HSD17B2: variants seen among roughly 807,000 people sequenced by gnomAD.
The protein encoded by HSD17B2 is 17-beta-hydroxysteroid dehydrogenase type 2.
HSD17B2 carries 32 observed loss-of-function variants against 26.9 expected under a neutral mutation model. That is an observed-to-expected ratio of 1.19 (90% CI 0.90 to 1.60). HSD17B2 has a LOEUF of 1.60. HSD17B2 is among the 40% of genes most tolerant of loss of function. HSD17B2 has a pLI of 0.00. For synonymous variants in HSD17B2, 246 were observed against 186.7 expected (o/e 1.32, Z -2.59); for missense variants, 613 against 468.6 (o/e 1.31, Z -2.85).
chr16:82,038,886 A>T (rs992524863), intron 1 of HSD17B2, among the ~76,000 whole-genome samples: 1 of 151,956 alleles, frequency 6.6e-6, no homozygotes, highest in South Asian at 2.1e-4. Context: ...AGCTGTGCCA[A>T]TTGGAGACTA....
intron 3 of HSD17B2, 129 bp from the exon 4 acceptor site, chr16:82,090,773 C>A: frequency 1.2e-6 from 1 of 855,990 alleles, no homozygotes; most frequent in Non-Finnish European, 1.8e-6. Flanking sequence ...CTCAGGGGGC[C>A]TTGCCTGCCT....
At chr16:82,098,005 A>C in intron 4 of HSD17B2, 70 bp from the exon 5 acceptor site, 1 of 1,498,906 alleles carries the variant, frequency 6.7e-7, no homozygotes, top group East Asian at 2.3e-5. Flanking sequence ...TTCCCAACAG[A>C]GACAAGCGCC....
Position 82,097,360 on chromosome 16 carries a change from C to CACAT in HSD17B2, c.803-712_803-711insTACA, listed in dbSNP as rs1436348506. On this transcript the variant is annotated intron_variant, in intron 4 of 4. Transcript: ENST00000199936. The stretch of plus-strand genomic sequence containing the variant: ...CACATTATATATGTGTACACACACA[C>CACAT]ACACACACACACACACAGACACATA... 54 of 92,114 alleles carry CACAT rather than the reference C, an allele frequency of 5.9e-4. 1 individual carries two copies. The East Asian group carries it at 9.9e-3, about 17-fold the overall frequency. 5.7% of individuals were successfully genotyped at this position (92,114 alleles called of 1,614,324 possible). A position where few individuals can be genotyped will look rare whatever the true frequency, so the allele number is the denominator to read the frequency against.
rs201293323 is a variant in HSD17B2 at position 82,071,059 on chromosome 16, T to C, written c.596T>C (p.Val199Ala). Residue 199 changes from valine (V) to alanine (A), a missense_variant, in exon 3 of 5, where the codon GTC (valine) becomes GCC (alanine). Physicochemically the swap from Val to Ala is moderately conservative, Grantham distance 64. Coordinates refer to ENST00000199936, the MANE Select transcript of HSD17B2 (RefSeq NM_002153.3). ...GTGAACTTCTTTGGAACTGTGGAGGTCACAAAGACGTTTTTGCCTCTTCTT... is the reference window on the plus strand; with the variant it reads ...GTGAACTTCTTTGGAACTGTGGAGGCCACAAAGACGTTTTTGCCTCTTCTT... ...MAVNFFGTVE[V>A]TKTFLPLLRK... is the part of the protein sequence containing the mutation. 5.0e-6 allele frequency: 8 copies of C among 1,614,004 alleles called. No homozygotes were observed. The African/African-American group carries it at 1.1e-4, about 22-fold the overall frequency.
At chr16:82,041,833 AT>A (rs1913773610) in intron 1 of HSD17B2, among the ~76,000 whole-genome samples, 1 of 152,198 alleles carries the variant, frequency 6.6e-6, no homozygotes, top group Admixed American at 6.5e-5. Flanking sequence ...GGTATCAATT[AT>A]CTCCTCTGAG....
rs780765427 is a variant in HSD17B2, at chr16:82,068,271, G to T, written c.367G>T (p.Glu123Ter). ...VLNENGPGAEELRRTCSPRLS... is the reference protein window; with the variant it reads ...VLNENGPGAE ...GAATGAAAATGGCCCAGGAGCTGAGGAATTGCGAAGAACCTGCTCTCCGCG... is the reference window on the plus strand; with the variant it reads ...GAATGAAAATGGCCCAGGAGCTGAGTAATTGCGAAGAACCTGCTCTCCGCG... Residue 123 changes from glutamate (E) to a stop codon, truncating the protein, a stop_gained, in exon 2 of 5, where the codon GAA (glutamate) becomes TAA (stop). Coordinates refer to ENST00000199936, the MANE Select transcript of HSD17B2 (RefSeq NM_002153.3). LOFTEE classifies it high-confidence loss of function. The T allele has an allele frequency of 6.2e-6, 10 of 1,613,996 alleles. No individual in the cohort carries two copies. Among genetic ancestry groups the T allele is most frequent in the Non-Finnish European group, 8.5e-6 (10 of 1,180,008 alleles).
intron 1 of HSD17B2, among the ~76,000 whole-genome samples, chr16:82,046,228 G>A (rs961045941): frequency 9.2e-5 from 14 of 152,016 alleles, no homozygotes; most frequent in African/African-American, 2.7e-4. Context: ...TAATTCTAGC[G>A]GAGGAAGACA....
intron 1 of HSD17B2, chr16:82,056,442 G>C (rs1914271752): frequency 6.6e-6 from 1 of 152,168 alleles, no homozygotes; most frequent in Admixed American, 6.5e-5. Context: ...GGAAAACATA[G>C]GAGAATGAAC....
chr16:82,046,980 T>C lies in HSD17B2; in HGVS notation c.265+11291T>C, dbSNP rs1248206106. Among the ~76,000 whole-genome samples, 54 of 152,174 alleles carry C rather than the reference T, an allele frequency of 3.5e-4. 1 individual carries two copies. The highest frequency in any genetic ancestry group is 3.5e-3 in the Admixed American group (54 of 15,278). On this transcript the variant is annotated intron_variant, in intron 1 of 4. Coordinates refer to ENST00000199936, the MANE Select transcript of HSD17B2 (RefSeq NM_002153.3). ...GTGCTCCCCTTGAGGGAAAGGGGTA[T>C]TGGCTGCCATCTTTTTCAGACCTGC...
chr16:82,071,642 A>G, intron 3 of HSD17B2: 1 of 201,248 alleles, frequency 5.0e-6, no homozygotes, highest in Non-Finnish European at 1.0e-5. Flanking sequence ...GACACTGGAT[A>G]GTTTGTCTCT....
chr16:82,069,931 C>T lies in HSD17B2; in HGVS notation c.479-1011C>T, dbSNP rs8191160. Reference sequence around the variant, plus strand: ...GACCCAATTAAATCAGTCTCTAGGACGGGATCCCAGGCATCATTAGTTTAT... The same window carrying T: ...GACCCAATTAAATCAGTCTCTAGGATGGGATCCCAGGCATCATTAGTTTAT... On this transcript the variant is annotated intron_variant, in intron 2 of 4. Coordinates refer to ENST00000199936, the MANE Select transcript of HSD17B2 (RefSeq NM_002153.3). 1.8e-3 allele frequency among the ~76,000 whole-genome samples: 274 copies of T among 152,216 alleles called. 3 individuals are homozygous for T. The highest frequency in any genetic ancestry group is 0.014 in the Admixed American group (216 of 15,292).
intron 1 of HSD17B2, among the ~76,000 whole-genome samples, chr16:82,036,379 G>A (rs1031868632): frequency 1.3e-4 from 19 of 151,166 alleles, no homozygotes; most frequent in Non-Finnish European, 8.8e-5. Flanking sequence ...CATTGCAAGT[G>A]TGAGGCCAAA....
chr16:82,046,461 G>A (rs750115307), intron 1 of HSD17B2, among the ~76,000 whole-genome samples: 5 of 152,100 alleles, frequency 3.3e-5, no homozygotes, highest in African/African-American at 9.7e-5. Context: ...GGTGGCTCAC[G>A]CCTGTAATCC....
At chr16:82,085,153 C>T (rs1233289256) in intron 3 of HSD17B2, among the ~76,000 whole-genome samples, 1 of 152,206 alleles carries the variant, frequency 6.6e-6, no homozygotes, top group Non-Finnish European at 1.5e-5. Flanking sequence ...TCAGTCCAGA[C>T]TGTGGGATCA....
intron 1 of HSD17B2, among the ~76,000 whole-genome samples, chr16:82,053,824 G>A (rs1012730943): frequency 6.6e-6 from 1 of 152,168 alleles, no homozygotes; most frequent in Non-Finnish European, 1.5e-5. Flanking sequence ...GACATGGATG[G>A]TACTGGACTG....
In HSD17B2 at chr16:82,036,950, C is replaced by T. The variant is rs8191062; in HGVS notation, c.265+1261C>T. Reference sequence around the variant, plus strand: ...TATGAAACCTTAGGATGAGCTCAGGCAAACCACAGGGTAGCTGAGAAAATG... The same window carrying T: ...TATGAAACCTTAGGATGAGCTCAGGTAAACCACAGGGTAGCTGAGAAAATG... On this transcript the variant is annotated intron_variant, in intron 1 of 4. Coordinates refer to ENST00000199936, the MANE Select transcript of HSD17B2 (RefSeq NM_002153.3). Among the ~76,000 whole-genome samples the T allele has an allele frequency of 9.1e-3, 1,392 of 152,326 alleles. 15 individuals carry two copies. Among genetic ancestry groups the T allele is most frequent in the African/African-American group, 0.029 (1,210 of 41,576 alleles).
At position 82,046,323 on chromosome 16, in the gene HSD17B2, G is replaced by C. The variant is rs8191066; in HGVS notation, c.265+10634G>C. Among the ~76,000 whole-genome samples the C allele has an allele frequency of 7.5e-3, 1,142 of 152,252 alleles. 15 individuals are homozygous for C. The highest frequency in any genetic ancestry group is 0.025 in the African/African-American group (1,043 of 41,548). The stretch of plus-strand genomic sequence containing the variant: ...AGGACAGTGGTGTGACTGTGCTGTT[G>C]AGAGCCACCTTGTATCAGAGGCTTC... On this transcript the variant is annotated intron_variant, in intron 1 of 4. Transcript: ENST00000199936.
At chr16:82,056,213 A>G (rs1276697882) in intron 1 of HSD17B2, among the ~76,000 whole-genome samples, 1 of 152,222 alleles carries the variant, frequency 6.6e-6, no homozygotes, top group African/African-American at 2.4e-5. Flanking sequence ...CCCTACTTAG[A>G]TAAAACCTTA....
Position 82,078,196 on chromosome 16 carries a change from T to C in HSD17B2, c.664+7069T>C, listed in dbSNP as rs113021615. Among the ~76,000 whole-genome samples the C allele has an allele frequency of 2.8e-3, 428 of 152,266 alleles. 1 individual carries two copies. Among genetic ancestry groups the C allele is most frequent in the African/African-American group, 9.8e-3 (409 of 41,560 alleles). ...AACAACTCTACAGGAAAAAATCAAA[T>C]AATCTCATTTAAAATGTACAAAAGA... On this transcript the variant is annotated intron_variant, in intron 3 of 4. Coordinates refer to ENST00000199936, the MANE Select transcript of HSD17B2 (RefSeq NM_002153.3).
Sources: gnomAD v4.1 joint callset for allele counts (sites outside exome capture counted in the v4.1 genomes callset) on GRCh38, gnomAD v4.1.1 for gene constraint, MANE v1.5 for transcripts, NCBI Gene and HGNC (gene_info 2026-07-23, HGNC 2026-07-21) for gene names.